DRD3: variants seen among roughly 807,000 people sequenced by gnomAD.
DRD3 encodes the protein D(3) dopamine receptor.
Under a neutral mutation model 36.3 loss-of-function variants are expected in DRD3, and 19 were observed. The observed-to-expected ratio is 0.52, with a 90% CI of 0.36 to 0.77. The LOEUF (loss-of-function observed/expected upper bound fraction) is 0.77. DRD3 is among the 30% of genes least tolerant of loss of function. The probability of loss-of-function intolerance (pLI) is 0.00; values close to 1 mark genes in which losing one functional copy is unlikely to be tolerated. For missense variants in DRD3, 465 were observed against 505.3 expected (o/e 0.92, Z 0.77); for synonymous variants, 195 against 203.7 (o/e 0.96, Z 0.36).
chr3:114,181,970 T>C (rs551955240), upstream of DRD3, among the ~76,000 whole-genome samples: 29 of 152,340 alleles, frequency 1.9e-4, no homozygotes, highest in African/African-American at 7.0e-4. Context: ...AGGACCTATA[T>C]GAATAAAGGA....
intron 3 of DRD3, among the ~76,000 whole-genome samples, chr3:114,156,990 TTCTTTCTC>T (rs951318732): frequency 2.0e-5 from 3 of 149,160 alleles, no homozygotes; most frequent in African/African-American, 7.5e-5. Context: ...CTTTCTTCCT[TTCTTTCTC>T]TCTCTCTCTC....
At chr3:114,182,690 C>A (rs181439544), upstream of DRD3, among the ~76,000 whole-genome samples, 300 of 152,254 alleles carry the variant, frequency 2.0e-3, no homozygotes, top group African/African-American at 7.0e-3. Flanking sequence ...CGGCTCCCTG[C>A]AACCTCAGCC....
intron 1 of DRD3, among the ~76,000 whole-genome samples, chr3:114,187,935 C>T (rs2077984198): frequency 6.6e-6 from 1 of 152,084 alleles, no homozygotes; most frequent in South Asian, 2.1e-4. Flanking sequence ...TGACCAAACT[C>T]GTGAAATGAG....
intron 3 of DRD3, among the ~76,000 whole-genome samples, chr3:114,157,343 C>T (rs557862207): frequency 1.3e-3 from 197 of 152,134 alleles, no homozygotes; most frequent in Admixed American, 3.6e-3. Flanking sequence ...AGTAAGCCAC[C>T]GTGCCTGGCC....
intron 5 of DRD3, among the ~76,000 whole-genome samples, chr3:114,133,069 C>T (rs768166277): frequency 6.6e-5 from 10 of 151,938 alleles, no homozygotes; most frequent in Non-Finnish European, 1.2e-4. Flanking sequence ...CGGTTCACTG[C>T]AACCTCTGCC....
chr3:114,136,138 C>T (rs1002090253), intron 5 of DRD3, among the ~76,000 whole-genome samples: 1 of 151,988 alleles, frequency 6.6e-6, no homozygotes, highest in African/African-American at 2.4e-5. Flanking sequence ...GGGTGCAGCC[C>T]AAGAGTTCAA....
chr3:114,173,796 A>G (rs2077870744), intron 1 of DRD3, among the ~76,000 whole-genome samples: 1 of 152,232 alleles, frequency 6.6e-6, no homozygotes, highest in Admixed American at 6.5e-5. Context: ...CAACTTTAAA[A>G]TATTTAAGCA....
intron 5 of DRD3, among the ~76,000 whole-genome samples, chr3:114,134,565 G>A (rs1312144451): frequency 5.3e-5 from 8 of 151,428 alleles, no homozygotes; most frequent in African/African-American, 7.3e-5. Context: ...GATTACAGGC[G>A]CCCACCATCA....
intron 5 of DRD3, among the ~76,000 whole-genome samples, chr3:114,136,834 G>A (rs905200324): frequency 1.3e-5 from 2 of 152,210 alleles, no homozygotes; most frequent in Non-Finnish European, 2.9e-5. Context: ...GAAGAACAAG[G>A]CTAATGGTGA....
At chr3:114,157,377 C>A (rs1443533238) in intron 3 of DRD3, among the ~76,000 whole-genome samples, 1 of 152,104 alleles carries the variant, frequency 6.6e-6, no homozygotes, top group South Asian at 2.1e-4. Context: ...TCAATTTCAT[C>A]TCTTCCCAGG....
chr3:114,139,062 C>T (rs1030062401), intron 5 of DRD3, among the ~76,000 whole-genome samples: 1 of 152,210 alleles, frequency 6.6e-6, no homozygotes, highest in African/African-American at 2.4e-5. Context: ...TTCCTTGACA[C>T]ACGGACAGAT....
intron 3 of DRD3, among the ~76,000 whole-genome samples, chr3:114,150,376 A>T (rs1388707037): frequency 2.6e-5 from 4 of 152,236 alleles, no homozygotes; most frequent in Admixed American, 2.6e-4. Flanking sequence ...CTTCTATGCA[A>T]ATCAATTACA....
intron 3 of DRD3, among the ~76,000 whole-genome samples, chr3:114,157,200 C>T (rs972802169): frequency 2.6e-5 from 4 of 151,852 alleles, no homozygotes; most frequent in Non-Finnish European, 4.4e-5. Context: ...ATTACAGGCA[C>T]CCACCACCAT....
intron 3 of DRD3, among the ~76,000 whole-genome samples, chr3:114,151,301 A>G (rs1249902018): frequency 1.3e-5 from 2 of 152,202 alleles, no homozygotes; most frequent in Non-Finnish European, 2.9e-5. Flanking sequence ...AGCGAGGGGA[A>G]GGAATACTGT....
chr3:114,197,549 T>C (rs2078044291), intron 1 of DRD3, among the ~76,000 whole-genome samples: 1 of 152,146 alleles, frequency 6.6e-6, no homozygotes, highest in Non-Finnish European at 1.5e-5. Flanking sequence ...GTCACAAAGA[T>C]TTTCTTCTAA....
At chr3:114,139,432 G>T (rs1404486619) in intron 5 of DRD3, 68 bp downstream of exon 5, 3 of 1,511,354 alleles carry the variant, frequency 2.0e-6, no homozygotes, top group Non-Finnish European at 2.7e-6. Flanking sequence ...ATCATGCACT[G>T]CTGGACACAG....
chr3:114,194,592 A>G (rs1467464074), intron 1 of DRD3, among the ~76,000 whole-genome samples: 1 of 152,130 alleles, frequency 6.6e-6, no homozygotes, highest in African/African-American at 2.4e-5. Context: ...TGAATCCTGA[A>G]TCCATTAAGC....
intron 4 of DRD3, among the ~76,000 whole-genome samples, chr3:114,143,754 G>A (rs1459959078): frequency 6.6e-6 from 1 of 152,058 alleles, no homozygotes; most frequent in African/African-American, 2.4e-5. Flanking sequence ...CAAATAAATA[G>A]CACTCCTCCA....
intron 2 of DRD3, among the ~76,000 whole-genome samples, chr3:114,161,804 G>C (rs2077735845): frequency 6.6e-6 from 1 of 152,154 alleles, no homozygotes; most frequent in South Asian, 2.1e-4. Context: ...TCATTACATA[G>C]GACAGTTGCA....
Sources: gnomAD v4.1 joint callset for allele counts (sites outside exome capture counted in the v4.1 genomes callset) on GRCh38, gnomAD v4.1.1 for gene constraint, MANE v1.5 for transcripts, NCBI Gene and HGNC (gene_info 2026-07-23, HGNC 2026-07-21) for gene names.